The following RGS22 variants were observed in gnomAD, a reference collection of about 807,000 sequenced individuals.
RGS22 encodes regulator of G protein signaling 22, also known as regulator of G-protein signaling 22.
RGS22 carries 148 observed loss-of-function variants against 172.9 expected under a neutral mutation model. That is an observed-to-expected ratio of 0.86 (90% CI 0.75 to 0.98). The LOEUF (loss-of-function observed/expected upper bound fraction) is 0.98, where lower values mean the gene tolerates loss of function less well. Among genes scored for constraint, RGS22 ranks in the 50% least tolerant of loss-of-function variants. The pLI is 0.00. For synonymous variants in RGS22, 458 were observed against 480.2 expected, an observed-to-expected ratio of 0.95 and a Z score of 0.60; for missense variants, 1,347 against 1,440.8, an observed-to-expected ratio of 0.93 and a Z score of 1.05.
At position 99,962,779 on chromosome 8, in the gene RGS22, TAAAAG is replaced by T. The variant is rs555468421; in HGVS notation, c.3710-17_3710-13del. The T allele has an allele frequency of 6.6e-4, 1,059 of 1,594,194 alleles. 5 individuals carry two copies. The African/African-American group carries it at 0.013, about 20-fold the overall frequency. ...GAGAGGTTGCAAGCCTGCACAAAAA[TAAAAG>T]AGATAAGAAAAACAGTAAAGTAAAT... On this transcript the variant is annotated splice_polypyrimidine_tract_variant and intron_variant, in intron 25 of 27. Coordinates refer to ENST00000360863, the MANE Select transcript of RGS22 (RefSeq NM_015668.5).
intron 4 of RGS22, among the ~76,000 whole-genome samples, chr8:100,075,592 C>T (rs970904909): frequency 1.3e-5 from 2 of 152,190 alleles, no homozygotes; most frequent in Admixed American, 6.5e-5. Context: ...GAAAGAAGTG[C>T]CAAACTGTTT....
intron 10 of RGS22, among the ~76,000 whole-genome samples, chr8:100,049,819 G>A (rs1283580472): frequency 2.0e-5 from 3 of 152,008 alleles, no homozygotes; most frequent in Admixed American, 6.6e-5. Context: ...AGGCCAAGGC[G>A]GGCAGATCAC....
intron 6 of RGS22, among the ~76,000 whole-genome samples, chr8:100,069,545 A>G (rs887056767): frequency 6.6e-6 from 1 of 152,254 alleles, no homozygotes; most frequent in African/African-American, 2.4e-5. Flanking sequence ...CATGGAGGAC[A>G]AATGTATTTG....
intron 14 of RGS22, among the ~76,000 whole-genome samples, chr8:100,031,249 C>T (rs570719102): frequency 1.3e-4 from 20 of 152,222 alleles, no homozygotes; most frequent in African/African-American, 4.8e-4. Flanking sequence ...GTAAATAATT[C>T]ATGTCTTCAA....
chr8:100,077,609 G>A (rs763831288), intron 4 of RGS22, among the ~76,000 whole-genome samples: 1 of 152,188 alleles, frequency 6.6e-6, no homozygotes, highest in Non-Finnish European at 1.5e-5. Flanking sequence ...AATCTTTTAA[G>A]TTTGCTGAAA....
intron 14 of RGS22, 145 bp from the exon 15 acceptor site, chr8:100,008,714 T>C: frequency 3.4e-6 from 2 of 592,604 alleles, no homozygotes; most frequent in South Asian, 2.5e-5. Context: ...GTAAAACTAC[T>C]TAACACGAAG....
chr8:100,081,391 T>G (rs1381710252), intron 3 of RGS22, among the ~76,000 whole-genome samples: 1 of 147,760 alleles, frequency 6.8e-6, no homozygotes, highest in African/African-American at 2.5e-5. Context: ...TATTTAAATT[T>G]TAATGTCTCA....
intron 14 of RGS22, among the ~76,000 whole-genome samples, chr8:100,038,044 A>G (rs954394708): frequency 5.3e-5 from 8 of 152,206 alleles, no homozygotes; most frequent in Admixed American, 3.9e-4. Flanking sequence ...AGATTATAAG[A>G]TAATAAATAA....
chr8:100,020,349 C>T (rs1327343985), intron 14 of RGS22, among the ~76,000 whole-genome samples: 1 of 152,202 alleles, frequency 6.6e-6, no homozygotes, highest in Non-Finnish European at 1.5e-5. Context: ...AAGCCTTTGG[C>T]TACTGAAATA....
chr8:100,087,495 C>A (rs1257685569), intron 3 of RGS22, among the ~76,000 whole-genome samples: 2 of 152,004 alleles, frequency 1.3e-5, no homozygotes, highest in African/African-American at 4.8e-5. Context: ...TTCCACATTT[C>A]TTTGAAAAGG....
intron 23 of RGS22, among the ~76,000 whole-genome samples, chr8:99,975,558 T>G (rs2131161900): frequency 6.6e-6 from 1 of 152,120 alleles, no homozygotes; most frequent in South Asian, 2.1e-4. Flanking sequence ...CTTGACTTTT[T>G]ATATCCAGAT....
At chr8:99,970,040 C>T (rs1221669238) in intron 23 of RGS22, among the ~76,000 whole-genome samples, 1 of 152,168 alleles carries the variant, frequency 6.6e-6, no homozygotes. Context: ...GTCTCTTGGA[C>T]CACAGTGCAA....
In RGS22 at chr8:99,998,750, G is replaced by A. The variant is rs1194387562; in HGVS notation, c.2949+512C>T. ...ACTGTAACCTCGATCTCCTAGACTC[G>A]AGCAATCCTCCTCCTTCAGCCTTCC... On this transcript the variant is annotated intron_variant, in intron 19 of 27. Transcript: ENST00000360863. Among the ~76,000 whole-genome samples, 6 of 152,084 alleles carry A rather than the reference G, an allele frequency of 3.9e-5. No homozygotes were observed. In the South Asian group the frequency reaches 6.2e-4, roughly 16 times the overall value.
rs533714187 is a variant in RGS22 at position 100,027,174 on chromosome 8, G to C, written c.2166+11757C>G. 3.3e-5 allele frequency among the ~76,000 whole-genome samples: 5 copies of C among 152,262 alleles called. 1 individual carries two copies. The South Asian group carries it at 1.0e-3, about 32-fold the overall frequency. On this transcript the variant is annotated intron_variant, in intron 14 of 27. Transcript: ENST00000360863. ...TTGAGCCCAGGAGGTTGAGGATGCAGTGAGCCGTGATCGTGAGCCACTGCT... is the reference window on the plus strand; with the variant it reads ...TTGAGCCCAGGAGGTTGAGGATGCACTGAGCCGTGATCGTGAGCCACTGCT...
intron 6 of RGS22, among the ~76,000 whole-genome samples, chr8:100,068,712 G>T (rs1810721525): frequency 6.6e-6 from 1 of 152,028 alleles, no homozygotes; most frequent in African/African-American, 2.4e-5. Context: ...TGAGTGAATT[G>T]CTGGAGCTCA....
intron 2 of RGS22, among the ~76,000 whole-genome samples, chr8:100,104,334 G>GTA (rs1392617618): frequency 4.2e-5 from 3 of 71,176 alleles, no homozygotes; most frequent in Non-Finnish European, 1.1e-4. Flanking sequence ...ATGTGCGTGT[G>GTA]TGTGTGTGTG....
At chr8:100,016,007 T>C (rs1816907842) in intron 14 of RGS22, among the ~76,000 whole-genome samples, 1 of 152,252 alleles carries the variant, frequency 6.6e-6, no homozygotes, top group South Asian at 2.1e-4. Flanking sequence ...CTGAAAAGTA[T>C]CTGGGTTTAG....
chr8:100,072,136 C>CTA lies in RGS22; in HGVS notation c.425+7_425+8dup. ...TTTAAAAATACATATATTGATGGGACTATAGTACCTGTATTCAAAGTAACA... is the reference window on the plus strand; with the variant it reads ...TTTAAAAATACATATATTGATGGGACTATATAGTACCTGTATTCAAAGTAACA... On this transcript the variant is annotated intron_variant, in intron 5 of 27. Transcript: ENST00000360863. 6.5e-7 allele frequency: 1 copy of CTA among 1,529,604 alleles called. No homozygotes were observed. Among genetic ancestry groups the CTA allele is most frequent in the Non-Finnish European group, 9.0e-7 (1 of 1,113,924 alleles). The allele number at this position is 1,529,604 out of a possible 1,614,324, so 94.8% of individuals were successfully genotyped here. A position where few individuals can be genotyped will look rare whatever the true frequency, so the allele number is the denominator to read the frequency against.
intron 4 of RGS22, among the ~76,000 whole-genome samples, chr8:100,073,662 T>G (rs1051675299): frequency 6.6e-6 from 1 of 152,192 alleles, no homozygotes; most frequent in African/African-American, 2.4e-5. Context: ...CCACTAGCGC[T>G]ACATTCAATG....
Sources: allele counts gnomAD v4.1 joint callset (sites outside exome capture counted in the v4.1 genomes callset), GRCh38; gene constraint gnomAD v4.1.1; transcripts MANE v1.5; gene names NCBI Gene and HGNC (gene_info 2026-07-23, HGNC 2026-07-21).